The following PCNX2 variants were observed in gnomAD, a reference collection of about 807,000 sequenced individuals.
PCNX2 encodes pecanex-like protein 2.
PCNX2 carries 168 observed loss-of-function variants against 223.8 expected under a neutral mutation model. The observed-to-expected ratio is 0.75, with a 90% CI of 0.66 to 0.85. PCNX2 has a LOEUF of 0.85. Ranked by LOEUF, PCNX2 falls within the 40% of genes least tolerant of loss-of-function variation. The pLI is 0.00. For synonymous variants in PCNX2, 1,006 were observed against 1,052.6 expected, an observed-to-expected ratio of 0.96 and a Z score of 0.86; for missense variants, 2,507 against 2,675.5, an observed-to-expected ratio of 0.94 and a Z score of 1.39.
At chr1:233,255,064 C>G (rs1659658066) in intron 5 of PCNX2, among the ~76,000 whole-genome samples, 1 of 152,142 alleles carries the variant, frequency 6.6e-6, no homozygotes, top group South Asian at 2.1e-4. Context: ...GTGAGAAAAT[C>G]AACCCATTAT....
At chr1:233,307,657 C>G in the PCNX2 span, among the ~76,000 whole-genome samples, 1 of 152,210 alleles carries the variant, frequency 6.6e-6, no homozygotes, top group African/African-American at 2.4e-5. Context: ...TGAATAATCT[C>G]TCTGTGTCTG....
chr1:233,269,044 A>G (rs1660496632), intron 1 of PCNX2, among the ~76,000 whole-genome samples: 1 of 152,238 alleles, frequency 6.6e-6, no homozygotes, highest in Non-Finnish European at 1.5e-5. Context: ...ACAGTGAGGA[A>G]GTCCACTTGC....
intron 30 of PCNX2, chr1:232,999,719 G>GT: frequency 4.0e-6 from 1 of 248,000 alleles, no homozygotes; most frequent in Non-Finnish European, 7.8e-6. Flanking sequence ...CAATCTATTG[G>GT]TTTTTAACTA....
intron 23 of PCNX2, among the ~76,000 whole-genome samples, chr1:233,089,305 CT>C: frequency 6.6e-6 from 1 of 152,222 alleles, no homozygotes; most frequent in Middle Eastern, 3.4e-3. Flanking sequence ...ATGCAAAGGT[CT>C]CTGTCCCAGC....
At chr1:232,994,310 A>G (rs1476977716) in intron 32 of PCNX2, among the ~76,000 whole-genome samples, 1 of 152,220 alleles carries the variant, frequency 6.6e-6, no homozygotes, top group Non-Finnish European at 1.5e-5. Context: ...GCATTGAAGG[A>G]GATTTTGGAG....
At chr1:233,090,275 TAA>T in intron 22 of PCNX2, 85 bp from the exon 23 acceptor site, 1 of 1,447,122 alleles carries the variant, frequency 6.9e-7, no homozygotes, top group Non-Finnish European at 9.4e-7. Flanking sequence ...GAGTTTTCAC[TAA>T]AGTCATTTTT....
Position 233,295,184 on chromosome 1 carries a change from A to C in PCNX2, c.153+142T>G. 1 of 1,235,302 alleles carries C rather than the reference A, an allele frequency of 8.1e-7. No homozygotes were observed. The highest frequency in any genetic ancestry group is 1.5e-5 in the South Asian group (1 of 66,494). The allele number at this position is 1,235,302 out of a possible 1,614,324, so 76.5% of individuals were successfully genotyped here. On this transcript the variant is annotated intron_variant, in intron 1 of 33. Coordinates refer to ENST00000258229, the MANE Select transcript of PCNX2 (RefSeq NM_014801.4). This position sits in a 1 kb window ranked among gnomAD's most constrained non-coding sequence, Gnocchi z 4.1. ...CTTTCCCTGCATGTTCTCTGTCCCA[A>C]ATTTCTGAAGCCCCTCCCTTTCCGT...
At position 233,279,143 on chromosome 1, in the gene PCNX2, T is replaced by G. The variant is rs919573156; in HGVS notation, c.154-15980A>C. ...CTATTCTCATTGGGTTATCACTGAT[T>G]CTAGGTTTTTCAGTAGAGCTCAAAA... On this transcript the variant is annotated intron_variant, in intron 1 of 33. Transcript: ENST00000258229. Among the ~76,000 whole-genome samples, 3 of 152,166 alleles carry G rather than the reference T, an allele frequency of 2.0e-5. No homozygotes were observed. In the South Asian group the frequency reaches 6.2e-4, roughly 32 times the overall value.
At chr1:233,108,440 T>A (rs2102971827) in intron 21 of PCNX2, among the ~76,000 whole-genome samples, 1 of 152,310 alleles carries the variant, frequency 6.6e-6, no homozygotes, top group South Asian at 2.1e-4. Context: ...TGAACACAGC[T>A]ATGTGTGGGC....
intron 26 of PCNX2, among the ~76,000 whole-genome samples, chr1:233,024,210 T>C (rs1671004720): frequency 6.6e-6 from 1 of 152,238 alleles, no homozygotes; most frequent in Admixed American, 6.5e-5. Context: ...CCACCATGTC[T>C]GGATTTATTC....
the PCNX2 span, among the ~76,000 whole-genome samples, chr1:233,325,398 C>A: frequency 6.6e-6 from 1 of 151,862 alleles, no homozygotes; most frequent in Non-Finnish European, 1.5e-5. Context: ...ATAGCTCACA[C>A]CTGTAATCCC....
At chr1:233,079,560 A>G (rs1572080033) in intron 23 of PCNX2, among the ~76,000 whole-genome samples, 1 of 150,864 alleles carries the variant, frequency 6.6e-6, no homozygotes. Flanking sequence ...AAGGTAAGGG[A>G]GAAGGATTCC....
Position 233,014,690 on chromosome 1 carries a change from T to C in PCNX2, c.4927A>G (p.Thr1643Ala). Reference protein sequence around the residue: ...LCTLGRRALGTAAHNMAISLD... With the variant: ...LCTLGRRALGAAAHNMAISLD... ...CTGATGGCCATATTGTGAGCGGCTG[T>C]TCCCAGAGCTCTCCTCCCCAGGGTG... Residue 1643 changes from threonine to alanine, a missense_variant, in exon 28 of 34, where the codon ACA becomes GCA. This residue lies in a region of PCNX2 where 1,372 missense variants were observed against 1,509.4 expected (regional missense o/e 0.91). Coordinates refer to ENST00000258229, the MANE Select transcript of PCNX2 (RefSeq NM_014801.4). 6.2e-7 allele frequency: 1 copy of C among 1,613,812 alleles called. No homozygotes were observed. The highest frequency in any genetic ancestry group is 8.5e-7 in the Non-Finnish European group (1 of 1,179,860).
intron 31 of PCNX2, 23 bp from the exon 32 acceptor site, chr1:232,998,461 G>A (rs753502989): frequency 2.6e-5 from 41 of 1,604,118 alleles, no homozygotes; most frequent in Non-Finnish European, 3.4e-5. Flanking sequence ...GAAGTCCTTT[G>A]AGGATTCTCA....
At chr1:233,189,080 T>C (rs1251159872) in intron 15 of PCNX2, among the ~76,000 whole-genome samples, 1 of 152,170 alleles carries the variant, frequency 6.6e-6, no homozygotes, top group Non-Finnish European at 1.5e-5. Context: ...AGGCACTTTA[T>C]AGACATTATT....
At chr1:233,207,710 C>A (rs1287098046) in intron 13 of PCNX2, among the ~76,000 whole-genome samples, 1 of 152,168 alleles carries the variant, frequency 6.6e-6, no homozygotes, top group African/African-American at 2.4e-5. Flanking sequence ...GGGATTCAAA[C>A]CATCAGCAGT....
chr1:233,096,421 C>T (rs1674170796), intron 21 of PCNX2, among the ~76,000 whole-genome samples: 1 of 152,144 alleles, frequency 6.6e-6, no homozygotes, highest in Non-Finnish European at 1.5e-5. Flanking sequence ...AGAAGAGAGA[C>T]CTCACATACG....
At chr1:233,079,502 T>C (rs1378036105) in intron 23 of PCNX2, among the ~76,000 whole-genome samples, 1 of 131,094 alleles carries the variant, frequency 7.6e-6, no homozygotes, top group African/African-American at 3.0e-5. Context: ...CACTCCAGCC[T>C]GGGCGACAGT....
At chr1:233,129,225 G>T (rs537768258) in intron 21 of PCNX2, among the ~76,000 whole-genome samples, 1 of 152,186 alleles carries the variant, frequency 6.6e-6, no homozygotes, top group African/African-American at 2.4e-5. Flanking sequence ...GAGCGGCCCC[G>T]GGCAGTGAGG....
Sources: allele counts gnomAD v4.1 joint callset (sites outside exome capture counted in the v4.1 genomes callset), GRCh38; gene constraint gnomAD v4.1.1; regional missense constraint gnomAD v4.1.1; non-coding constraint Gnocchi (gnomAD v3.1); transcripts MANE v1.5; gene names NCBI Gene and HGNC (gene_info 2026-07-23, HGNC 2026-07-21).